Variants in SPAG6 observed in about 807,000 individuals in gnomAD.
SPAG6 encodes sperm associated antigen 6, also known as sperm-associated antigen 6.
SPAG6 carries 49 observed loss-of-function variants against 58.5 expected under a neutral mutation model. The observed-to-expected ratio is 0.84, with a 90% confidence interval of 0.67 to 1.06. The LOEUF (loss-of-function observed/expected upper bound fraction) is 1.06. SPAG6 is among the 50% of genes least tolerant of loss of function. The pLI is 0.00. For missense variants in SPAG6, 560 were observed against 611.3 expected (o/e 0.92, Z 0.89); for synonymous variants, 233 against 225.6 (o/e 1.03, Z -0.29).
chr10:22,383,637 CA>C (rs1267547139), intron 4 of SPAG6, among the ~76,000 whole-genome samples: 1 of 145,234 alleles, frequency 6.9e-6, no homozygotes. Context: ...GACTCCATCT[CA>C]AAAAAAAAGA....
intron 9 of SPAG6, among the ~76,000 whole-genome samples, chr10:22,406,329 T>C (rs1214947208): frequency 6.6e-6 from 1 of 152,192 alleles, no homozygotes; most frequent in East Asian, 1.9e-4. Context: ...GAGATTCTGG[T>C]ATGTTGTGTC....
intron 9 of SPAG6, among the ~76,000 whole-genome samples, chr10:22,407,333 G>T (rs1233755495): frequency 6.6e-6 from 1 of 151,536 alleles, no homozygotes; most frequent in Non-Finnish European, 1.5e-5. Context: ...GGCAGGCCTG[G>T]TGGTGACAAA....
chr10:22,346,818 G>GTATT (rs2132023009), intron 2 of SPAG6, among the ~76,000 whole-genome samples: 1 of 152,182 alleles, frequency 6.6e-6, no homozygotes, highest in East Asian at 1.9e-4. Flanking sequence ...TGGGGGGCAT[G>GTATT]TATTTACAAT....
At chr10:22,396,914 T>G (rs1588553111) in intron 8 of SPAG6, among the ~76,000 whole-genome samples, 1 of 152,186 alleles carries the variant, frequency 6.6e-6, no homozygotes, top group East Asian at 1.9e-4. Flanking sequence ...ATATTGTATC[T>G]AAGGATAAAC....
At chr10:22,379,303 C>T (rs1833896556) in intron 4 of SPAG6, among the ~76,000 whole-genome samples, 1 of 152,162 alleles carries the variant, frequency 6.6e-6, no homozygotes, top group African/African-American at 2.4e-5. Context: ...TAGCAGCCTC[C>T]ATGATGCCTG....
rs1437914071 is a variant in SPAG6 at position 22,408,614 on chromosome 10, G to T, written c.1315-2417G>T. Among the ~76,000 whole-genome samples, 10 of 152,076 alleles carry T rather than the reference G, an allele frequency of 6.6e-5. No homozygotes were observed. The East Asian group carries it at 1.9e-3, about 30-fold the overall frequency. ...GTTTGTCTGTGCCCTGCCCCCAGAG[G>T]TGGAGCCTACAGAGGCAGGCAGGCC... On this transcript the variant is annotated intron_variant, in intron 9 of 10. Coordinates refer to ENST00000376624, the MANE Select transcript of SPAG6 (RefSeq NM_012443.4).
chr10:22,404,793 G>C (rs1229014625), intron 9 of SPAG6, among the ~76,000 whole-genome samples: 57 of 151,500 alleles, frequency 3.8e-4, no homozygotes, highest in Non-Finnish European at 4.9e-4. Flanking sequence ...CCATTTGTTT[G>C]TATCCTCTTT....
intron 3 of SPAG6, 21 bp from the exon 4 acceptor site, chr10:22,368,474 T>C: frequency 6.3e-7 from 1 of 1,597,916 alleles, no homozygotes; most frequent in Non-Finnish European, 8.5e-7. Context: ...ATTTTGAGTT[T>C]TGTCTGTTTG....
At chr10:22,360,687 A>G (rs1837009468) in intron 2 of SPAG6, 1 of 531,520 alleles carries the variant, frequency 1.9e-6, no homozygotes, top group African/African-American at 1.9e-5. Flanking sequence ...TTAGTATTGG[A>G]TATAATATTA....
chr10:22,386,066 T>C (rs2132079446), intron 4 of SPAG6, among the ~76,000 whole-genome samples: 1 of 152,312 alleles, frequency 6.6e-6, no homozygotes, highest in South Asian at 2.1e-4. Context: ...TACAAGTAAA[T>C]CAACATGTAT....
chr10:22,368,618 G>A lies in SPAG6; in HGVS notation c.412G>A (p.Asp138Asn). 2 of 1,613,944 alleles carry A rather than the reference G, an allele frequency of 1.2e-6. No homozygotes were observed. The highest frequency in any genetic ancestry group is 2.2e-5 in the East Asian group (1 of 44,870). The change falls in exon 4 of 11, where the codon GAC becomes AAC. Residue 138 changes from aspartate to asparagine, a missense_variant. Physicochemically the swap from Asp to Asn is conservative, Grantham distance 23 (BLOSUM62 1). Transcript: ENST00000376624. ...GCTGGTCATATGCTTGGAAGATTTT[G>A]ACCCTGGAGTCAAGGAGGCTGCAGC... ...DTLVICLEDF[D>N]PGVKEAAAWA... is the part of the protein sequence containing the mutation.
At chr10:22,408,704 C>G (rs1200039483) in intron 9 of SPAG6, among the ~76,000 whole-genome samples, 1 of 152,232 alleles carries the variant, frequency 6.6e-6, no homozygotes, top group Admixed American at 6.5e-5. Context: ...CCTAAGCAAG[C>G]CTGGGCAATG....
At chr10:22,372,453 C>T (rs1306250638) in intron 4 of SPAG6, among the ~76,000 whole-genome samples, 4 of 152,180 alleles carry the variant, frequency 2.6e-5, no homozygotes, top group Admixed American at 6.5e-5. Flanking sequence ...ATTCCCCAGC[C>T]GCCGGGCTTC....
At chr10:22,381,723 C>T (rs1030527597) in intron 4 of SPAG6, among the ~76,000 whole-genome samples, 3 of 152,166 alleles carry the variant, frequency 2.0e-5, no homozygotes, top group African/African-American at 7.2e-5. Flanking sequence ...TGCTAAGGGG[C>T]ATTCCTGTCT....
At chr10:22,390,502 A>G (rs184924835) in intron 7 of SPAG6, among the ~76,000 whole-genome samples, 141 of 152,330 alleles carry the variant, frequency 9.3e-4, no homozygotes, top group African/African-American at 3.3e-3. Context: ...ATAGTATGGT[A>G]GCACTCTCTG....
Position 22,386,870 on chromosome 10 carries a change from C to G in SPAG6, c.589C>G (p.His197Asp). 1.2e-6 allele frequency: 2 copies of G among 1,613,802 alleles called. No individual in the cohort carries two copies. The highest frequency in any genetic ancestry group is 1.7e-6 in the Non-Finnish European group (2 of 1,179,782). ...TTCGGCCCTCAGTGATATTGCAAAG[C>G]ATTCTCCAGAGTTAGCACAGACAGT... is the stretch of plus-strand genomic sequence containing the variant. ...AASALSDIAKHSPELAQTVVD... is the reference protein window; with the variant it reads ...AASALSDIAKDSPELAQTVVD... Residue 197 changes from histidine to aspartate, a missense_variant, in exon 5 of 11, where the codon CAT becomes GAT. Coordinates refer to ENST00000376624, the MANE Select transcript of SPAG6 (RefSeq NM_012443.4).
intron 8 of SPAG6, among the ~76,000 whole-genome samples, chr10:22,396,152 C>G (rs1834287693): frequency 6.6e-6 from 1 of 152,166 alleles, no homozygotes; most frequent in South Asian, 2.1e-4. Flanking sequence ...ACAAGCAGAT[C>G]TCATGAGAAC....
chr10:22,385,887 A>G (rs1834053326), intron 4 of SPAG6, among the ~76,000 whole-genome samples: 1 of 152,212 alleles, frequency 6.6e-6, no homozygotes, highest in African/African-American at 2.4e-5. Context: ...GGTGTCTGTG[A>G]TTCAGTAAGA....
At chr10:22,394,401 A>T (rs2132092374) in intron 8 of SPAG6, among the ~76,000 whole-genome samples, 1 of 152,314 alleles carries the variant, frequency 6.6e-6, no homozygotes, top group African/African-American at 2.4e-5. Context: ...TAAGATAATT[A>T]TTTAATTATT....
Sources: allele counts gnomAD v4.1 joint callset (sites outside exome capture counted in the v4.1 genomes callset), GRCh38; gene constraint gnomAD v4.1.1; transcripts MANE v1.5; gene names NCBI Gene and HGNC (gene_info 2026-07-23, HGNC 2026-07-21).